PRR16: variants seen among roughly 807,000 people sequenced by gnomAD.
The protein encoded by PRR16 is protein Largen.
Under a neutral mutation model 18.2 loss-of-function variants are expected in PRR16, and 6 were observed. The observed-to-expected ratio is 0.33, with a 90% confidence interval of 0.18 to 0.65. The LOEUF (loss-of-function observed/expected upper bound fraction) is 0.65, where lower values mean the gene tolerates loss of function less well. PRR16 is among the 30% of genes least tolerant of loss of function. The probability of loss-of-function intolerance (pLI) is 0.74; values close to 1 mark genes in which losing one functional copy is unlikely to be tolerated. For missense variants in PRR16, 412 were observed against 376.6 expected (o/e 1.09, Z -0.78); for synonymous variants, 151 against 147.8 (o/e 1.02, Z -0.16).
the PRR16 span, among the ~76,000 whole-genome samples, chr5:120,734,790 G>A: frequency 6.6e-6 from 1 of 152,134 alleles, no homozygotes; most frequent in South Asian, 2.1e-4. Context: ...CAATGTTACA[G>A]AGATTTTCAC....
At chr5:120,684,622 C>T (rs927318438) in intron 1 of PRR16, among the ~76,000 whole-genome samples, 66 of 152,266 alleles carry the variant, frequency 4.3e-4, no homozygotes, top group African/African-American at 1.5e-3. Context: ...TGAGAATGGC[C>T]TCCAAGACCT....
the PRR16 span, among the ~76,000 whole-genome samples, chr5:120,737,109 T>C: frequency 6.6e-6 from 1 of 152,148 alleles, no homozygotes; most frequent in Non-Finnish European, 1.5e-5. Flanking sequence ...TTTTACTTTT[T>C]TTCTTTGCCT....
chr5:120,785,653 ACCT>A, the PRR16 span, among the ~76,000 whole-genome samples: 912 of 142,888 alleles, frequency 6.4e-3, 5 homozygotes, highest in Middle Eastern at 0.024. Context: ...GCTCACTGCA[ACCT>A]CCTCCTTCCA....
At chr5:120,638,898 G>A (rs921801628) in intron 1 of PRR16, among the ~76,000 whole-genome samples, 35 of 152,110 alleles carry the variant, frequency 2.3e-4, no homozygotes, top group African/African-American at 7.2e-4. Flanking sequence ...ATCTAATATA[G>A]GAAGATGTTA....
At chr5:120,641,311 T>G (rs993464693) in intron 1 of PRR16, among the ~76,000 whole-genome samples, 2 of 152,104 alleles carry the variant, frequency 1.3e-5, no homozygotes, top group African/African-American at 4.8e-5. Flanking sequence ...TGCTAACAGA[T>G]TAACTGAGGA....
downstream of PRR16, among the ~76,000 whole-genome samples, chr5:120,692,079 C>A (rs531106114): frequency 6.6e-6 from 1 of 152,318 alleles, no homozygotes; most frequent in African/African-American, 2.4e-5. Context: ...CTCCACAATC[C>A]ATATTCTTCA....
intron 1 of PRR16, among the ~76,000 whole-genome samples, chr5:120,672,777 C>T (rs539020870): frequency 1.2e-4 from 19 of 152,078 alleles, no homozygotes; most frequent in South Asian, 2.1e-4. Context: ...TTCACAAATA[C>T]GAAAAGAGAT....
chr5:120,766,083 G>T, the PRR16 span, among the ~76,000 whole-genome samples: 1 of 151,958 alleles, frequency 6.6e-6, no homozygotes, highest in East Asian at 1.9e-4. Flanking sequence ...TTTAGTACCT[G>T]TACTTTGGTA....
the PRR16 span, among the ~76,000 whole-genome samples, chr5:120,787,576 C>A: frequency 6.6e-6 from 1 of 151,992 alleles, no homozygotes; most frequent in Non-Finnish European, 1.5e-5. Context: ...GAACAAGAAA[C>A]GCCTATAATA....
the PRR16 span, among the ~76,000 whole-genome samples, chr5:120,776,420 T>G: frequency 6.6e-6 from 1 of 152,202 alleles, no homozygotes; most frequent in Non-Finnish European, 1.5e-5. Context: ...GAAAACTCTA[T>G]GGAAATTCTA....
chr5:120,789,120 T>G, the PRR16 span, among the ~76,000 whole-genome samples: 4 of 152,054 alleles, frequency 2.6e-5, no homozygotes, highest in African/African-American at 9.7e-5. Context: ...AAAAATACAC[T>G]TAAAGGCATT....
chr5:120,589,652 T>C (rs1213912078), intron 1 of PRR16, among the ~76,000 whole-genome samples: 1 of 151,692 alleles, frequency 6.6e-6, no homozygotes, highest in Non-Finnish European at 1.5e-5. Context: ...CAGGAGAAAA[T>C]GAGGAAGATG....
At chr5:120,464,836 T>A (rs1416629270) in intron 1 of PRR16, among the ~76,000 whole-genome samples, 191 bp downstream of exon 1, 2 of 152,244 alleles carry the variant, frequency 1.3e-5, no homozygotes, top group Admixed American at 1.3e-4. Context: ...TTTTTTTTTT[T>A]AATCAGGAAG....
At chr5:120,672,285 G>C (rs553736062) in intron 1 of PRR16, among the ~76,000 whole-genome samples, 1 of 115,196 alleles carries the variant, frequency 8.7e-6, no homozygotes, top group Non-Finnish European at 1.9e-5. Context: ...TGTGTGTTGT[G>C]GGGGGAAACA....
the PRR16 span, among the ~76,000 whole-genome samples, chr5:120,745,671 C>G: frequency 6.8e-6 from 1 of 146,948 alleles, no homozygotes; most frequent in African/African-American, 2.6e-5. Context: ...TTGTTTTAGC[C>G]TTGTATTTAT....
chr5:120,760,618 A>G, the PRR16 span, among the ~76,000 whole-genome samples: 2 of 148,828 alleles, frequency 1.3e-5, no homozygotes, highest in Non-Finnish European at 3.0e-5. Context: ...ATGTTGCTTA[A>G]TTACCTGAGA....
chr5:120,577,033 A>G (rs778814257), intron 1 of PRR16, among the ~76,000 whole-genome samples: 112 of 152,118 alleles, frequency 7.4e-4, no homozygotes, highest in Non-Finnish European at 1.0e-3. Context: ...TTTTTAAATG[A>G]TTTCGTTTTC....
chr5:120,603,041 C>T (rs7724401), intron 1 of PRR16, among the ~76,000 whole-genome samples: 64,455 of 151,718 alleles, frequency 0.42, 14,579 homozygotes, highest in East Asian at 0.83. Flanking sequence ...TGCTGTGTCT[C>T]TGCCAAGTTT....
chr5:120,589,718 A>G (rs765408411), intron 1 of PRR16, among the ~76,000 whole-genome samples: 1 of 152,126 alleles, frequency 6.6e-6, no homozygotes, highest in Non-Finnish European at 1.5e-5. Flanking sequence ...ATCCACTACC[A>G]TGAGAACAGT....
Sources: allele counts gnomAD v4.1 joint callset (sites outside exome capture counted in the v4.1 genomes callset), GRCh38; gene constraint gnomAD v4.1.1; transcripts MANE v1.5; gene names NCBI Gene and HGNC (gene_info 2026-07-23, HGNC 2026-07-21).